STS: variants seen among roughly 807,000 people sequenced by gnomAD.
The protein encoded by STS is steroid sulfatase.
STS carries 7 observed loss-of-function variants against 26.8 expected under a neutral mutation model. That is an observed-to-expected ratio of 0.26 (90% CI 0.15 to 0.49). STS has a LOEUF of 0.49. Among genes scored for constraint, STS ranks in the 20% least tolerant of loss-of-function variants. The pLI, the probability that STS is intolerant of heterozygous loss-of-function variation, is 0.98. For synonymous variants in STS, 199 were observed against 189.4 expected (o/e 1.05, Z -0.42); for missense variants, 434 against 465.6 (o/e 0.93, Z 0.63).
At chrX:7,318,784 A>C (rs1465304741) in intron 8 of STS, among the ~76,000 whole-genome samples, 1 of 110,802 alleles carries the variant, frequency 9.0e-6, no homozygotes, top group African/African-American at 3.3e-5. Flanking sequence ...GGCTACAGGC[A>C]CAGCTGCCCC....
At chrX:7,168,770 A>G (rs1042034195) in intron 1 of STS, among the ~76,000 whole-genome samples, 1 of 111,537 alleles carries the variant, frequency 9.0e-6, no homozygotes, top group Non-Finnish European at 1.9e-5. Flanking sequence ...GATGTTCCTT[A>G]GAAGAACAGC....
intron 10 of STS, among the ~76,000 whole-genome samples, chrX:7,337,089 A>T (rs1928069898): frequency 8.9e-6 from 1 of 111,987 alleles, no homozygotes; most frequent in Admixed American, 9.5e-5. Context: ...GAGATAAAGG[A>T]CCTCAGGAAA....
At chrX:7,269,321 T>A (rs1259106605) in intron 6 of STS, among the ~76,000 whole-genome samples, 1 of 99,942 alleles carries the variant, frequency 1.0e-5, no homozygotes, top group East Asian at 3.2e-4. Flanking sequence ...TACTTACACC[T>A]GACCCTGGAA....
intron 8 of STS, among the ~76,000 whole-genome samples, chrX:7,314,579 T>C (rs1206229040): frequency 8.8e-6 from 1 of 113,095 alleles, no homozygotes; most frequent in Non-Finnish European, 1.9e-5. Flanking sequence ...GTCTCAGGCA[T>C]TGCCGTAGGC....
chrX:7,166,002 CT>C (rs777828028), intron 1 of STS, among the ~76,000 whole-genome samples: 2,181 of 93,304 alleles, frequency 0.023, 53 homozygotes, highest in African/African-American at 0.066. Flanking sequence ...CTGTCGCTGT[CT>C]TTTTTTTTTT....
chrX:7,304,929 AT>A lies in STS; in HGVS notation c.944-116del, dbSNP rs1926140530. ...ACGTCTCATGCTGGGATAAACTCCAATATGTAAGAACGTTTACTTCCACCTT... is the reference window on the plus strand; with the variant it reads ...ACGTCTCATGCTGGGATAAACTCCAAATGTAAGAACGTTTACTTCCACCTT... On this transcript the variant is annotated intron_variant, in intron 7 of 10. Transcript: ENST00000674429. 5.6e-6 allele frequency: 5 copies of A among 889,242 alleles called. No homozygotes were observed. In the East Asian group the frequency reaches 1.6e-4, roughly 29 times the overall value. 73.3% of individuals were successfully genotyped at this position (889,242 alleles called of 1,213,427 possible). A position where few individuals can be genotyped will look rare whatever the true frequency, so the allele number is the denominator to read the frequency against.
chrX:7,322,150 A>C (rs751932661), intron 8 of STS, among the ~76,000 whole-genome samples: 12 of 112,492 alleles, frequency 1.1e-4, no homozygotes, highest in Non-Finnish European at 1.5e-4. Flanking sequence ...CACCATCTTG[A>C]GGTTACAGAA....
At chrX:7,219,508 G>C (rs781762467) in intron 2 of STS, 3 of 1,154,937 alleles carry the variant, frequency 2.6e-6, no homozygotes, top group Non-Finnish European at 3.5e-6. Flanking sequence ...CTGTAGTGAG[G>C]TTGCAGTGAT....
chrX:7,165,318 C>T (rs765373438), intron 1 of STS, among the ~76,000 whole-genome samples: 80 of 109,828 alleles, frequency 7.3e-4, no homozygotes, highest in African/African-American at 2.6e-3. Flanking sequence ...CACAATCACC[C>T]CTGGTTGAGA....
At chrX:7,323,632 A>G (rs1229364399) in intron 8 of STS, among the ~76,000 whole-genome samples, 1 of 111,871 alleles carries the variant, frequency 8.9e-6, no homozygotes, top group East Asian at 2.8e-4. Flanking sequence ...GTCGATGGGC[A>G]CCTGGATTAA....
chrX:7,206,038 T>C (rs1934221976), intron 2 of STS, among the ~76,000 whole-genome samples: 1 of 111,793 alleles, frequency 8.9e-6, no homozygotes, highest in Non-Finnish European at 1.9e-5. Flanking sequence ...CCTATGCACT[T>C]AGGATTTTGT....
chrX:7,217,238 GA>G (rs1321360598), intron 2 of STS, among the ~76,000 whole-genome samples: 1 of 111,386 alleles, frequency 9.0e-6, no homozygotes, highest in East Asian at 2.8e-4. Context: ...TGAACAGATG[GA>G]GGGGGGGTCC....
At chrX:7,324,646 T>C (rs1381060393) in intron 8 of STS, among the ~76,000 whole-genome samples, 8 of 111,598 alleles carry the variant, frequency 7.2e-5, no homozygotes, top group African/African-American at 2.3e-4. Context: ...CTAATGCTGG[T>C]CAGTTGTACC....
chrX:7,240,511 G>A (rs1225962116), intron 2 of STS, among the ~76,000 whole-genome samples: 3 of 12,747 alleles, frequency 2.4e-4, no homozygotes, highest in Non-Finnish European at 3.7e-4. Flanking sequence ...GTGTGTGTGT[G>A]TGTGTGTGTG....
chrX:7,174,118 A>G (rs1277957095), intron 1 of STS, among the ~76,000 whole-genome samples: 1 of 112,012 alleles, frequency 8.9e-6, no homozygotes, highest in African/African-American at 3.2e-5. Context: ...ACCATAAAGC[A>G]TCCAACAGAG....
chrX:7,196,830 T>C (rs1933979341), intron 2 of STS, among the ~76,000 whole-genome samples: 1 of 111,446 alleles, frequency 9.0e-6, no homozygotes, highest in Non-Finnish European at 1.9e-5. Flanking sequence ...GTAGTCTGCC[T>C]GTATCCATCA....
At chrX:7,219,534 T>C in intron 2 of STS, 1 of 1,187,191 alleles carries the variant, frequency 8.4e-7, no homozygotes, top group Non-Finnish European at 1.1e-6. Flanking sequence ...AGGATTGGCC[T>C]GCTTCAAAGC....
chrX:7,182,419 G>A (rs181894533), intron 1 of STS, among the ~76,000 whole-genome samples: 1 of 109,114 alleles, frequency 9.2e-6, no homozygotes, highest in Non-Finnish European at 1.9e-5. Flanking sequence ...AGGCCTCCTG[G>A]AGAGCTTTTG....
intron 1 of STS, among the ~76,000 whole-genome samples, chrX:7,187,060 G>A (rs1933785854): frequency 9.0e-6 from 1 of 111,660 alleles, no homozygotes; most frequent in Non-Finnish European, 1.9e-5. Flanking sequence ...CTCTTTGACC[G>A]AGGCCAGTTT....
Sources: gnomAD v4.1 joint callset for allele counts (sites outside exome capture counted in the v4.1 genomes callset) on GRCh38, gnomAD v4.1.1 for gene constraint, MANE v1.5 for transcripts, NCBI Gene and HGNC (gene_info 2026-07-23, HGNC 2026-07-21) for gene names.